The following SLC25A48 variants were observed in gnomAD, a reference collection of about 807,000 sequenced individuals.
SLC25A48 encodes solute carrier family 25 member 48.
A neutral mutation model predicts 32.2 loss-of-function variants in SLC25A48; 29 were observed. The observed-to-expected ratio is 0.90, with a 90% CI of 0.67 to 1.23. The LOEUF (loss-of-function observed/expected upper bound fraction) is 1.23. Among genes scored for constraint, SLC25A48 ranks in the 50% most tolerant of loss-of-function variants. The probability of loss-of-function intolerance (pLI) is 0.00; values close to 1 mark genes in which losing one functional copy is unlikely to be tolerated. For synonymous variants in SLC25A48, 164 were observed against 172.3 expected, an observed-to-expected ratio of 0.95 and a Z score of 0.38; for missense variants, 399 against 422.7, an observed-to-expected ratio of 0.94 and a Z score of 0.49.
intron 3 of SLC25A48, among the ~76,000 whole-genome samples, chr5:135,748,596 A>T (rs1755696765): frequency 6.6e-6 from 1 of 152,092 alleles, no homozygotes; most frequent in South Asian, 2.1e-4. Context: ...CCTTTCGCTG[A>T]GGAAACTGAG....
chr5:135,698,174 A>G (rs1754311025), intron 3 of SLC25A48, among the ~76,000 whole-genome samples: 1 of 152,182 alleles, frequency 6.6e-6, no homozygotes, highest in Non-Finnish European at 1.5e-5. Flanking sequence ...GTCACCTGAC[A>G]CCCTCAGTGC....
intron 3 of SLC25A48, among the ~76,000 whole-genome samples, chr5:135,662,601 T>C (rs1358050314): frequency 1.3e-5 from 2 of 151,882 alleles, no homozygotes; most frequent in African/African-American, 4.8e-5. Flanking sequence ...CAGACCTGAG[T>C]TCAAATCCTG....
At chr5:135,711,566 C>T (rs1178106343) in intron 3 of SLC25A48, among the ~76,000 whole-genome samples, 1 of 152,188 alleles carries the variant, frequency 6.6e-6, no homozygotes, top group Non-Finnish European at 1.5e-5. Context: ...GCAAGGAACG[C>T]TTCAGTGCTA....
chr5:135,801,315 C>T (rs1757319475), intron 3 of SLC25A48, among the ~76,000 whole-genome samples: 1 of 150,658 alleles, frequency 6.6e-6, no homozygotes, highest in Admixed American at 6.6e-5. Flanking sequence ...GTGTATACTC[C>T]CCTGTGATAT....
At chr5:135,657,060 C>G (rs58436323) in intron 3 of SLC25A48, among the ~76,000 whole-genome samples, 5,287 of 152,284 alleles carry the variant, frequency 0.035, 132 homozygotes, top group African/African-American at 0.057. Flanking sequence ...AGCATAACCC[C>G]TCCTCAATGG....
chr5:135,782,676 A>G (rs749644753), intron 3 of SLC25A48, among the ~76,000 whole-genome samples: 1 of 117,782 alleles, frequency 8.5e-6, no homozygotes, highest in African/African-American at 2.6e-5. Context: ...CGTTCCTAAT[A>G]ACCAGGAAGG....
intron 3 of SLC25A48, among the ~76,000 whole-genome samples, chr5:135,797,040 A>G (rs556047705): frequency 6.6e-6 from 1 of 151,870 alleles, no homozygotes; most frequent in Non-Finnish European, 1.5e-5. Context: ...TATTACTCCC[A>G]ATATCGAGAG....
At chr5:135,739,246 T>C (rs922418510) in intron 3 of SLC25A48, among the ~76,000 whole-genome samples, 30 of 152,148 alleles carry the variant, frequency 2.0e-4, no homozygotes, top group African/African-American at 7.0e-4. Context: ...GTCTCCTGCA[T>C]AGCTGGGACT....
At chr5:135,823,206 TTCTTCCATGGGTCAGGAG>T (rs1757936611) in intron 4 of SLC25A48, among the ~76,000 whole-genome samples, 1 of 152,108 alleles carries the variant, frequency 6.6e-6, no homozygotes, top group Non-Finnish European at 1.5e-5. Flanking sequence ...CCACCATAAG[TTCTTCCATGGGTCAGGAG>T]TCCACAAGTG....
intron 4 of SLC25A48, among the ~76,000 whole-genome samples, chr5:135,870,854 G>T (rs765752277): frequency 2.6e-5 from 4 of 151,000 alleles, no homozygotes; most frequent in Admixed American, 2.6e-4. Flanking sequence ...GGTAAATTTC[G>T]AATTATTTCC....
At chr5:135,795,175 G>A (rs1269769859) in intron 3 of SLC25A48, among the ~76,000 whole-genome samples, 2 of 151,766 alleles carry the variant, frequency 1.3e-5, no homozygotes, top group Non-Finnish European at 2.9e-5. Context: ...TATCGCAAGG[G>A]GTGTACACCC....
chr5:135,618,920 GA>G (rs1189380068), intron 1 of SLC25A48, among the ~76,000 whole-genome samples: 1 of 148,470 alleles, frequency 6.7e-6, no homozygotes, highest in Non-Finnish European at 1.5e-5. Context: ...TTTTTTTTTA[GA>G]ATTTCTCTGT....
chr5:135,665,726 T>C (rs1753506536), intron 3 of SLC25A48, among the ~76,000 whole-genome samples: 1 of 151,510 alleles, frequency 6.6e-6, no homozygotes, highest in African/African-American at 2.4e-5. Flanking sequence ...AATGACTTTT[T>C]GATACTAAAT....
intron 3 of SLC25A48, among the ~76,000 whole-genome samples, chr5:135,636,423 G>T (rs192540715): frequency 6.6e-6 from 1 of 152,334 alleles, no homozygotes; most frequent in Admixed American, 6.5e-5. Context: ...GGTCAAAGAA[G>T]ATGATGTGAA....
chr5:135,838,763 T>C (rs773346992), intron 1 of SLC25A48, among the ~76,000 whole-genome samples: 22 of 152,324 alleles, frequency 1.4e-4, no homozygotes, highest in Non-Finnish European at 1.3e-4. Context: ...AAGTCAAGAA[T>C]TGAGCTTTGG....
At chr5:135,718,003 A>G (rs892354139) in intron 3 of SLC25A48, among the ~76,000 whole-genome samples, 4 of 144,160 alleles carry the variant, frequency 2.8e-5, no homozygotes, top group African/African-American at 1.0e-4. Context: ...TGGGCTTGAG[A>G]CTCCTTTTTT....
At chr5:135,830,971 C>A (rs1049985736), upstream of SLC25A48, among the ~76,000 whole-genome samples, 3 of 152,154 alleles carry the variant, frequency 2.0e-5, no homozygotes, top group Admixed American at 6.5e-5. Flanking sequence ...TGAGAGAGGG[C>A]AACCAGGTCG....
intron 1 of SLC25A48, among the ~76,000 whole-genome samples, chr5:135,836,239 C>G (rs1055246301): frequency 1.3e-5 from 2 of 152,156 alleles, no homozygotes; most frequent in Non-Finnish European, 2.9e-5. Context: ...ACATGTGAAC[C>G]CTCCCCGACT....
At chr5:135,663,747 G>A (rs1461953085) in intron 3 of SLC25A48, among the ~76,000 whole-genome samples, 1 of 152,140 alleles carries the variant, frequency 6.6e-6, no homozygotes, top group Non-Finnish European at 1.5e-5. Context: ...GGACCAGACT[G>A]CATTTGGTTA....
Sources: gnomAD v4.1 joint callset for allele counts (sites outside exome capture counted in the v4.1 genomes callset) on GRCh38, gnomAD v4.1.1 for gene constraint, MANE v1.5 for transcripts, NCBI Gene and HGNC (gene_info 2026-07-23, HGNC 2026-07-21) for gene names.